The following SPAG16 variants were observed in gnomAD, a reference collection of about 807,000 sequenced individuals.
The protein encoded by SPAG16 is sperm associated antigen 16, also known as sperm-associated antigen 16 protein.
SPAG16 carries 86 observed loss-of-function variants against 80.4 expected under a neutral mutation model. That is an observed-to-expected ratio of 1.07 (90% CI 0.90 to 1.28). SPAG16 has a LOEUF of 1.28. Among genes scored for constraint, SPAG16 ranks in the 50% most tolerant of loss-of-function variants. SPAG16 has a pLI of 0.00. For missense variants in SPAG16, 870 were observed against 765.3 expected (o/e 1.14, Z -1.61); for synonymous variants, 294 against 265.9 (o/e 1.11, Z -1.03).
In SPAG16 at chr2:213,293,022, A is replaced by G. The variant is rs182512400; in HGVS notation, c.137-3042A>G. On this transcript the variant is annotated intron_variant, in intron 1 of 15. Coordinates refer to ENST00000331683, the MANE Select transcript of SPAG16 (RefSeq NM_024532.5). ...CACCCTAATCTCACCTTGAATTGTA[A>G]TAATCCGTATGTGTCAAGGGCAGGA... 3.2e-3 allele frequency among the ~76,000 whole-genome samples: 489 copies of G among 152,270 alleles called. 2 individuals carry two copies. The highest frequency in any genetic ancestry group is 0.011 in the African/African-American group (464 of 41,560).
intron 10 of SPAG16, among the ~76,000 whole-genome samples, chr2:213,562,035 G>A (rs2059612463): frequency 6.6e-6 from 1 of 152,162 alleles, no homozygotes; most frequent in Admixed American, 6.5e-5. Flanking sequence ...ATGCATGAAG[G>A]TACATTTTCT....
intron 10 of SPAG16, among the ~76,000 whole-genome samples, chr2:213,642,731 G>C (rs1207586122): frequency 1.2e-5 from 1 of 86,558 alleles, no homozygotes; most frequent in Non-Finnish European, 2.3e-5. Flanking sequence ...TGAGGCAGGA[G>C]AATGGCGTGA....
intron 12 of SPAG16, among the ~76,000 whole-genome samples, chr2:213,932,949 A>AACACATAC (rs1467074144): frequency 6.9e-6 from 1 of 143,944 alleles, no homozygotes; most frequent in Admixed American, 7.0e-5. Flanking sequence ...GTTGTTTGAA[A>AACACATAC]ACACACACAC....
intron 11 of SPAG16, among the ~76,000 whole-genome samples, chr2:213,900,053 G>T (rs1350305251): frequency 6.6e-6 from 1 of 152,072 alleles, no homozygotes; most frequent in Non-Finnish European, 1.5e-5. Flanking sequence ...TTCTGCCTTT[G>T]TTGACCTAGA....
At chr2:213,938,015 C>A (rs899601282) in intron 12 of SPAG16, among the ~76,000 whole-genome samples, 2 of 151,852 alleles carry the variant, frequency 1.3e-5, no homozygotes, top group African/African-American at 2.4e-5. Flanking sequence ...TGTACACTTT[C>A]TGTTTGTTAT....
chr2:213,806,990 G>A (rs1355878874), intron 10 of SPAG16, among the ~76,000 whole-genome samples: 1 of 151,910 alleles, frequency 6.6e-6, no homozygotes, highest in African/African-American at 2.4e-5. Flanking sequence ...TCACATTTTT[G>A]TTGTGTTGTT....
intron 7 of SPAG16, among the ~76,000 whole-genome samples, chr2:213,352,490 T>A (rs1414689203): frequency 6.6e-6 from 1 of 152,196 alleles, no homozygotes; most frequent in Non-Finnish European, 1.5e-5. Flanking sequence ...GTCCTCCTGG[T>A]CTCATGCTTA....
intron 15 of SPAG16, among the ~76,000 whole-genome samples, chr2:214,306,569 G>C (rs990973186): frequency 2.0e-5 from 3 of 152,156 alleles, no homozygotes; most frequent in African/African-American, 7.2e-5. Flanking sequence ...TCGTTTATTG[G>C]AGAGTTTTTA....
intron 9 of SPAG16, among the ~76,000 whole-genome samples, chr2:213,460,236 G>A (rs546902892): frequency 1.4e-4 from 21 of 151,908 alleles, no homozygotes; most frequent in South Asian, 2.1e-4. Context: ...GATTTTCCCC[G>A]AGTCCAAATT....
In SPAG16 at chr2:213,785,049, A is replaced by G. The variant is rs574131984; in HGVS notation, c.1071-77436A>G. 1.1e-4 allele frequency among the ~76,000 whole-genome samples: 16 copies of G among 152,268 alleles called. No individual in the cohort carries two copies. The South Asian group carries it at 3.3e-3, about 32-fold the overall frequency. On this transcript the variant is annotated intron_variant, in intron 10 of 15. Transcript: ENST00000331683. ...GTGTTTGGTATATATTTATTATTAG[A>G]AAGGTCTATACCTCTCATATAAAAT...
chr2:214,129,242 GTTTC>G (rs2054643412), intron 14 of SPAG16, among the ~76,000 whole-genome samples: 1 of 152,062 alleles, frequency 6.6e-6, no homozygotes, highest in African/African-American at 2.4e-5. Flanking sequence ...CCTCAGCTTC[GTTTC>G]TTTAATTAGG....
At chr2:214,113,857 G>T (rs983303960) in intron 14 of SPAG16, among the ~76,000 whole-genome samples, 23 of 152,128 alleles carry the variant, frequency 1.5e-4, no homozygotes, top group African/African-American at 5.3e-4. Context: ...ATCCAGCTTT[G>T]TTCCATTGCT....
At chr2:213,992,837 T>G (rs2106457009) in intron 12 of SPAG16, among the ~76,000 whole-genome samples, 1 of 152,350 alleles carries the variant, frequency 6.6e-6, no homozygotes, top group Non-Finnish European at 1.5e-5. Flanking sequence ...AAAGTTGGCC[T>G]TATAATACAG....
chr2:214,321,042 C>T (rs1696060404), intron 15 of SPAG16, among the ~76,000 whole-genome samples: 1 of 152,152 alleles, frequency 6.6e-6, no homozygotes, highest in African/African-American at 2.4e-5. Context: ...ATATTGCCTA[C>T]AGATTGGCAT....
At chr2:214,104,715 G>A (rs1411859731) in intron 13 of SPAG16, among the ~76,000 whole-genome samples, 1 of 152,156 alleles carries the variant, frequency 6.6e-6, no homozygotes, top group Non-Finnish European at 1.5e-5. Context: ...AAATCAACAA[G>A]TCTTCTTTTG....
intron 4 of SPAG16, among the ~76,000 whole-genome samples, chr2:213,315,267 A>G (rs952433178): frequency 6.6e-6 from 1 of 151,848 alleles, no homozygotes; most frequent in Admixed American, 6.6e-5. Context: ...GACTGAGAAA[A>G]TAGAAGTTCC....
In SPAG16 at chr2:213,582,798, T is replaced by C. The variant is rs527789839; in HGVS notation, c.1070+92708T>C. On this transcript the variant is annotated intron_variant, in intron 10 of 15. Transcript: ENST00000331683. The stretch of plus-strand genomic sequence containing the variant: ...TGCATTTTGGTAGGAGAGAATGCTA[T>C]TCTGCAATAAATAGAATGTTCATTT... Among the ~76,000 whole-genome samples the C allele has an allele frequency of 2.0e-5, 3 of 152,284 alleles. No homozygotes were observed. The East Asian group carries it at 5.8e-4, about 29-fold the overall frequency.
chr2:214,202,621 A>C (rs371111846), intron 15 of SPAG16, among the ~76,000 whole-genome samples: 10 of 152,270 alleles, frequency 6.6e-5, no homozygotes, highest in Admixed American at 4.6e-4. Context: ...AGGAGTCAGA[A>C]GTGATCACGA....
intron 1 of SPAG16, among the ~76,000 whole-genome samples, chr2:213,287,361 T>C (rs1384529369): frequency 6.6e-6 from 1 of 152,220 alleles, no homozygotes; most frequent in African/African-American, 2.4e-5. Flanking sequence ...TATTAATGTA[T>C]GGCTGCAGAC....
Sources: allele counts gnomAD v4.1 joint callset (sites outside exome capture counted in the v4.1 genomes callset), GRCh38; gene constraint gnomAD v4.1.1; transcripts MANE v1.5; gene names NCBI Gene and HGNC (gene_info 2026-07-23, HGNC 2026-07-21).